YY1: variants seen among roughly 807,000 people sequenced by gnomAD.
YY1 encodes YY1 transcription factor, also known as transcriptional repressor protein YY1.
YY1 carries 2 observed loss-of-function variants against 35.6 expected under a neutral mutation model. That is an observed-to-expected ratio of 0.06 (90% CI 0.02 to 0.18). The LOEUF (loss-of-function observed/expected upper bound fraction) is 0.18. YY1 is among the 10% of genes least tolerant of loss of function. The pLI is 1.00. For synonymous variants in YY1, 268 were observed against 238.9 expected (o/e 1.12, Z -1.12); for missense variants, 322 against 573.4 (o/e 0.56, Z 4.48).
At chr14:100,252,287 G>A (rs8007648) in intron 1 of YY1, among the ~76,000 whole-genome samples, 1 of 152,180 alleles carries the variant, frequency 6.6e-6, no homozygotes, top group East Asian at 1.9e-4. Context: ...TAGACTTGGA[G>A]TGATTATTGC....
intron 1 of YY1, among the ~76,000 whole-genome samples, chr14:100,255,471 T>C (rs965701102): frequency 2.6e-5 from 4 of 151,906 alleles, no homozygotes; most frequent in South Asian, 2.1e-4. Flanking sequence ...ATACAAAAAA[T>C]AGCTGAGCGT....
At chr14:100,262,522 A>C in intron 2 of YY1, 56 bp downstream of exon 2, 1 of 1,581,680 alleles carries the variant, frequency 6.3e-7, no homozygotes, top group African/African-American at 1.3e-5. Context: ...GAGTCTTGCC[A>C]GCTATGTTTT....
intron 1 of YY1, among the ~76,000 whole-genome samples, chr14:100,259,563 T>C (rs1891051870): frequency 6.6e-6 from 1 of 150,804 alleles, no homozygotes; most frequent in South Asian, 2.1e-4. Context: ...CAAACTGGAA[T>C]GATTGAGTCT....
chr14:100,246,321 A>G (rs1006921169), intron 1 of YY1, among the ~76,000 whole-genome samples: 1 of 152,240 alleles, frequency 6.6e-6, no homozygotes, highest in Non-Finnish European at 1.5e-5. Flanking sequence ...CAGTCAGCAC[A>G]GCTTGGGTTG....
Position 100,262,164 on chromosome 14 carries a change from A to G in YY1, c.680-140A>G, listed in dbSNP as rs1473756413. The G allele has an allele frequency of 2.3e-5, 12 of 524,940 alleles. No individual in the cohort carries two copies. The African/African-American group carries it at 2.5e-4, about 11-fold the overall frequency. The allele number at this position is 524,940 out of a possible 1,614,324, so 32.5% of individuals were successfully genotyped here. ...GGTGACAGAGTGAGACCGTTCTCCAAAAAAAAAAAAGGGAGAGGGGAGAAC... is the reference window on the plus strand; with the variant it reads ...GGTGACAGAGTGAGACCGTTCTCCAGAAAAAAAAAAGGGAGAGGGGAGAAC... On this transcript the variant is annotated intron_variant, in intron 1 of 4. Coordinates refer to ENST00000262238, the MANE Select transcript of YY1 (RefSeq NM_003403.5).
intron 1 of YY1, among the ~76,000 whole-genome samples, chr14:100,241,869 G>T (rs1218235659): frequency 2.0e-5 from 3 of 151,924 alleles, no homozygotes; most frequent in Non-Finnish European, 4.4e-5. Flanking sequence ...AGCTACTCGG[G>T]AGGCTGAGGC....
At chr14:100,254,560 C>G (rs1335742469) in intron 1 of YY1, among the ~76,000 whole-genome samples, 1 of 152,040 alleles carries the variant, frequency 6.6e-6, no homozygotes, top group Non-Finnish European at 1.5e-5. Flanking sequence ...CAGGTTCAAG[C>G]GGTTCTTTTG....
chr14:100,259,730 C>T (rs982660184), intron 1 of YY1, among the ~76,000 whole-genome samples: 2 of 152,140 alleles, frequency 1.3e-5, no homozygotes, highest in African/African-American at 4.8e-5. Context: ...CTCACACTTA[C>T]TGAAACCTCC....
rs75379695 is a variant in YY1 at position 100,256,143 on chromosome 14, A to C, written c.680-6161A>C. On this transcript the variant is annotated intron_variant, in intron 1 of 4. Coordinates refer to ENST00000262238, the MANE Select transcript of YY1 (RefSeq NM_003403.5). The stretch of plus-strand genomic sequence containing the variant: ...GTCAACAGAGCCAGACCCTGTCACA[A>C]AAAAAAAAAAACATCTATATGCCAG... 1.0e-3 allele frequency among the ~76,000 whole-genome samples: 152 copies of C among 147,386 alleles called. 1 individual carries two copies. Among genetic ancestry groups the C allele is most frequent in the South Asian group, 1.5e-3 (7 of 4,752 alleles).
chr14:100,274,230 A>G (rs1891288213), intron 2 of YY1, among the ~76,000 whole-genome samples: 1 of 152,164 alleles, frequency 6.6e-6, no homozygotes, highest in Admixed American at 6.5e-5. Context: ...GTGTATAGAG[A>G]TGGATATTTT....
rs531852193 is a variant in YY1, at chr14:100,275,619, A to G, written c.903+861A>G. 33 of 152,356 alleles carry G rather than the reference A, an allele frequency of 2.2e-4. 1 individual carries two copies. The highest frequency in any genetic ancestry group is 1.6e-3 in the Admixed American group (25 of 15,302). 9.4% of individuals were successfully genotyped at this position (152,356 alleles called of 1,614,324 possible). ...TTTATGGGGTACCGTGTGATGTTTCAATGCATGTATACATTGTGTACCAGT... is the reference window on the plus strand; with the variant it reads ...TTTATGGGGTACCGTGTGATGTTTCGATGCATGTATACATTGTGTACCAGT... On this transcript the variant is annotated intron_variant, in intron 3 of 4. Transcript: ENST00000262238.
At chr14:100,243,906 C>T (rs1289717126) in intron 1 of YY1, among the ~76,000 whole-genome samples, 2 of 151,952 alleles carry the variant, frequency 1.3e-5, no homozygotes, top group African/African-American at 4.8e-5. Flanking sequence ...GAGATCGAGA[C>T]CATCCTGCCT....
intron 2 of YY1, among the ~76,000 whole-genome samples, chr14:100,267,333 C>T (rs1304287852): frequency 6.6e-6 from 1 of 152,156 alleles, no homozygotes; most frequent in African/African-American, 2.4e-5. Flanking sequence ...TTGAGCCCCA[C>T]AGTAAATAAT....
At position 100,253,505 on chromosome 14, in the gene YY1, C is replaced by T. The variant is rs146187814; in HGVS notation, c.680-8799C>T. ...TGATCTCGGCTCACTGCAACCTCTG[C>T]GTCTCAGGTTCAAGCTATTCTCCCA... On this transcript the variant is annotated intron_variant, in intron 1 of 4. Coordinates refer to ENST00000262238, the MANE Select transcript of YY1 (RefSeq NM_003403.5). Among the ~76,000 whole-genome samples, 1,310 of 152,254 alleles carry T rather than the reference C, an allele frequency of 8.6e-3. 17 individuals are homozygous for T. Among genetic ancestry groups the T allele is most frequent in the African/African-American group, 0.03 (1,248 of 41,532 alleles).
chr14:100,277,258 C>T lies in YY1; in HGVS notation c.1063-160C>T. 1.1e-6 allele frequency: 1 copy of T among 917,228 alleles called. No homozygotes were observed. The highest frequency in any genetic ancestry group is 1.7e-6 in the Non-Finnish European group (1 of 586,028). 56.8% of individuals were successfully genotyped at this position (917,228 alleles called of 1,614,324 possible). On this transcript the variant is annotated intron_variant, in intron 4 of 4. Transcript: ENST00000262238. This position sits in a 1 kb window ranked among gnomAD's most constrained non-coding sequence, Gnocchi z 5.6. ...TGGGTTTTCGGGGTTGTCCAACCTG[C>T]CTGCTGATTCTAGACTATATCCACA... is the stretch of plus-strand genomic sequence containing the variant.
At chr14:100,255,442 A>T (rs895566002) in intron 1 of YY1, among the ~76,000 whole-genome samples, 2 of 151,970 alleles carry the variant, frequency 1.3e-5, no homozygotes, top group Non-Finnish European at 2.9e-5. Flanking sequence ...AACATGGTGA[A>T]ACCCCATCTC....
intron 1 of YY1, among the ~76,000 whole-genome samples, chr14:100,255,324 G>C (rs1890989252): frequency 6.6e-6 from 1 of 152,032 alleles, no homozygotes. Flanking sequence ...GATATTATTT[G>C]AAAGTGTGGG....
chr14:100,242,258 G>C (rs1343483685), intron 1 of YY1, among the ~76,000 whole-genome samples: 1 of 152,116 alleles, frequency 6.6e-6, no homozygotes, highest in Non-Finnish European at 1.5e-5. Flanking sequence ...GCTTGCTGAA[G>C]TGGTATGTAT....
At chr14:100,240,023 C>T (rs1421911105) in intron 1 of YY1, 100 bp downstream of exon 1, 5 of 1,164,006 alleles carry the variant, frequency 4.3e-6, no homozygotes, top group African/African-American at 3.3e-5. Flanking sequence ...TTCGCCAGGG[C>T]AAGTATGGCG....
Sources: allele counts gnomAD v4.1 joint callset (sites outside exome capture counted in the v4.1 genomes callset), GRCh38; gene constraint gnomAD v4.1.1; non-coding constraint Gnocchi (gnomAD v3.1); transcripts MANE v1.5; gene names NCBI Gene and HGNC (gene_info 2026-07-23, HGNC 2026-07-21).